The following SPDL1 variants were observed in gnomAD, a reference collection of about 807,000 sequenced individuals.
SPDL1 encodes spindle apparatus coiled-coil protein 1, also known as protein Spindly.
In SPDL1, 85 loss-of-function variants were observed where a neutral mutation model predicts 79.5. That is an observed-to-expected ratio of 1.07 (90% CI 0.90 to 1.28). The LOEUF is 1.28. Ranked by LOEUF, SPDL1 falls within the 50% of genes most tolerant of loss-of-function variation. The pLI is 0.00. For missense variants in SPDL1, 703 were observed against 697.8 expected (o/e 1.01, Z -0.08); for synonymous variants, 269 against 240.3 (o/e 1.12, Z -1.10).
intron 9 of SPDL1, 52 bp from the exon 10 acceptor site, chr5:169,598,920 C>T (rs17644660): frequency 0.049 from 73,783 of 1,492,320 alleles, 2,120 homozygotes; most frequent in Non-Finnish European, 0.057. Context: ...TACCACTACA[C>T]TTATTATATG....
intron 2 of SPDL1, 95 bp from the exon 3 acceptor site, chr5:169,590,953 A>G: frequency 9.2e-7 from 1 of 1,085,726 alleles, no homozygotes; most frequent in Non-Finnish European, 1.4e-6. Context: ...CAAATGCTTG[A>G]AATAAGAATG....
chr5:169,588,558 AT>A lies in SPDL1; in HGVS notation c.143del (p.Met48ArgfsTer2). 1.2e-6 allele frequency: 2 copies of A among 1,612,638 alleles called. No homozygotes were observed. Among genetic ancestry groups the A allele is most frequent in the Non-Finnish European group, 1.7e-6 (2 of 1,179,388 alleles). On this transcript the variant is annotated frameshift_variant, in exon 2 of 12. Transcript: ENST00000265295. LOFTEE classifies it high-confidence loss of function. Reference protein sequence around the residue: ...QNQLDKCRNEMMTMTESYEQE... With the variant: ...QNQLDKCRNEXMTMTESYEQE... ...TCAATTGGATAAATGTCGTAATGAA[AT>A]GATGACCATGACTGAGGTAGGACTC...
chr5:169,590,425 G>T (rs1755212889), intron 2 of SPDL1, among the ~76,000 whole-genome samples: 2 of 152,230 alleles, frequency 1.3e-5, no homozygotes, highest in South Asian at 2.1e-4. Context: ...AAATAAAATG[G>T]TTTTTGAGGG....
At chr5:169,593,824 C>T (rs942490020) in intron 4 of SPDL1, among the ~76,000 whole-genome samples, 4 of 152,024 alleles carry the variant, frequency 2.6e-5, no homozygotes, top group Non-Finnish European at 4.4e-5. Flanking sequence ...CAGATTTTAT[C>T]GTAAGAGCCC....
rs537764986 is a variant in SPDL1, at chr5:169,592,889, G to A, written c.337-465G>A. Among the ~76,000 whole-genome samples, 3 of 141,440 alleles carry A rather than the reference G, an allele frequency of 2.1e-5. No homozygotes were observed. The South Asian group carries it at 6.7e-4, about 32-fold the overall frequency. The allele number at this position is 141,440 out of a possible 152,430, so 92.8% of individuals were successfully genotyped here. ...TTACTGATTTTCTCAAATCACTTAT[G>A]CCAAAATTTGGATTTTTTTAATACC... On this transcript the variant is annotated intron_variant, in intron 3 of 11. Transcript: ENST00000265295.
At chr5:169,587,855 T>G (rs182369109) in intron 1 of SPDL1, among the ~76,000 whole-genome samples, 122 of 152,294 alleles carry the variant, frequency 8.0e-4, no homozygotes, top group Admixed American at 8.5e-4. Context: ...TAGCTAGGAC[T>G]ACGGGGGCTT....
At position 169,591,060 on chromosome 5, in the gene SPDL1, GAA is replaced by G. The variant is rs1186265412; in HGVS notation, c.176_177del (p.Lys59IlefsTer8). On this transcript the variant is annotated frameshift_variant, in exon 3 of 12. Coordinates refer to ENST00000265295, the MANE Select transcript of SPDL1 (RefSeq NM_017785.5). LOFTEE classifies it high-confidence loss of function. ...MMTMTESYEQ[E>X]KYTLQREVEL... ...AATCTGTTTTCAGAGTTATGAACAA[GAA>G]AAATATACCCTTCAAAGAGAAGTTG... The G allele has an allele frequency of 6.2e-7, 1 of 1,612,088 alleles. No homozygotes were observed. Among genetic ancestry groups the G allele is most frequent in the Non-Finnish European group, 8.5e-7 (1 of 1,179,368 alleles).
intron 3 of SPDL1, among the ~76,000 whole-genome samples, chr5:169,592,321 G>A (rs1333005468): frequency 3.5e-5 from 5 of 141,726 alleles, no homozygotes; most frequent in Non-Finnish European, 7.5e-5. Context: ...GGGTTCAAAC[G>A]ATTCTCCTGC....
chr5:169,594,591 A>G lies in SPDL1; in HGVS notation c.801A>G (p.Ala267=), dbSNP rs1469659438. 1.9e-6 allele frequency: 3 copies of G among 1,614,002 alleles called. No homozygotes were observed. In the South Asian group the frequency reaches 3.3e-5, roughly 18 times the overall value. The change falls in exon 7 of 12, where the codon GCA becomes GCG. Residue 267 remains alanine, a synonymous_variant. Transcript: ENST00000265295. ...TGTAGGTGGAAGATCGAAGGGCAGC[A>G]ATGGAACGTCAGCTCATCAGTATGA... ...LFAEVEDRRA[A]MERQLISMKV... is the part of the protein sequence containing the mutation.
At chr5:169,598,102 T>G (rs931999952) in intron 8 of SPDL1, among the ~76,000 whole-genome samples, 2 of 152,188 alleles carry the variant, frequency 1.3e-5, no homozygotes, top group African/African-American at 4.8e-5. Context: ...TCCTTTCATA[T>G]TTTTCCAGTT....
intron 10 of SPDL1, among the ~76,000 whole-genome samples, chr5:169,600,567 G>A (rs1051656522): frequency 6.6e-6 from 1 of 152,154 alleles, no homozygotes; most frequent in Non-Finnish European, 1.5e-5. Flanking sequence ...GAAACACATC[G>A]ATAATGGGCA....
intron 3 of SPDL1, among the ~76,000 whole-genome samples, chr5:169,591,791 C>T (rs1323451876): frequency 6.6e-6 from 1 of 152,228 alleles, no homozygotes; most frequent in Non-Finnish European, 1.5e-5. Flanking sequence ...AATTCTCCAT[C>T]TAGGTTTGAA....
rs942686696 is a variant in SPDL1 at position 169,601,095 on chromosome 5, T to C, written c.1325-185T>C. 5.9e-5 allele frequency among the ~76,000 whole-genome samples: 9 copies of C among 152,310 alleles called. No homozygotes were observed. The South Asian group carries it at 1.7e-3, about 28-fold the overall frequency. ...ATATAGCCAAATAAACTTTAAAATA[T>C]ATAGTTTATATAGATTCCATGATAA... On this transcript the variant is annotated intron_variant, in intron 10 of 11. Coordinates refer to ENST00000265295, the MANE Select transcript of SPDL1 (RefSeq NM_017785.5).
At chr5:169,593,288 C>A in intron 3 of SPDL1, 66 bp from the exon 4 acceptor site, 2 of 1,380,546 alleles carry the variant, frequency 1.4e-6, no homozygotes, top group Non-Finnish European at 2.0e-6. Flanking sequence ...TCAATCAGTT[C>A]AATCAGTGAT....
At chr5:169,588,631 C>T (rs1755112855) in intron 2 of SPDL1, 56 bp downstream of exon 2, 1 of 1,488,136 alleles carries the variant, frequency 6.7e-7, no homozygotes, top group Non-Finnish European at 9.0e-7. Flanking sequence ...GAAGATTTGT[C>T]CTGTTTAGCA....
chr5:169,604,400 C>A lies in SPDL1; in HGVS notation c.*193C>A. The A allele has an allele frequency of 2.6e-6, 1 of 390,376 alleles. No individual in the cohort carries two copies. Among genetic ancestry groups the A allele is most frequent in the East Asian group, 4.0e-5 (1 of 25,316 alleles). The allele number at this position is 390,376 out of a possible 1,614,324, so 24.2% of individuals were successfully genotyped here. Reference sequence around the variant, plus strand: ...ACCTGGAGAGCTTCTTAAGTGATGCCCCTTCATGGAGCTTCTATGACAGTG... The same window carrying A: ...ACCTGGAGAGCTTCTTAAGTGATGCACCTTCATGGAGCTTCTATGACAGTG... On this transcript the variant is annotated 3_prime_UTR_variant, in exon 12 of 12. Transcript: ENST00000265295.
chr5:169,594,843 C>G (rs765518067), intron 7 of SPDL1, among the ~76,000 whole-genome samples, 162 bp downstream of exon 7: 3 of 152,064 alleles, frequency 2.0e-5, no homozygotes, highest in South Asian at 2.1e-4. Flanking sequence ...TTAAAAGATT[C>G]ATTTATAGTT....
At chr5:169,585,845 A>G (rs1440282837) in intron 1 of SPDL1, 2 of 152,196 alleles carry the variant, frequency 1.3e-5, no homozygotes, top group Non-Finnish European at 2.9e-5. Context: ...GACTTCCACC[A>G]CTGTACCTGC....
chr5:169,601,453 C>T lies in SPDL1; in HGVS notation c.1498C>T (p.Gln500Ter). Reference protein sequence around the residue: ...CPNSLEDNNLQLEKSVSIYTP... With the variant: ...CPNSLEDNNL ...TAACAGTTTAGAAGATAACAACTTG[C>T]AATTAGAAAAATCAGTTTCTATATA... The change falls in exon 11 of 12, where the codon CAA (glutamine) becomes TAA (stop). Residue 500 changes from glutamine to a stop codon, truncating the protein, a stop_gained. Coordinates refer to ENST00000265295, the MANE Select transcript of SPDL1 (RefSeq NM_017785.5). LOFTEE classifies it high-confidence loss of function. 2 of 1,614,118 alleles carry T rather than the reference C, an allele frequency of 1.2e-6. No homozygotes were observed. The highest frequency in any genetic ancestry group is 1.7e-6 in the Non-Finnish European group (2 of 1,180,004).
Sources: allele counts gnomAD v4.1 joint callset (sites outside exome capture counted in the v4.1 genomes callset), GRCh38; gene constraint gnomAD v4.1.1; transcripts MANE v1.5; gene names NCBI Gene and HGNC (gene_info 2026-07-23, HGNC 2026-07-21).